The following FYB2 variants were observed in gnomAD, a reference collection of about 807,000 sequenced individuals.
FYB2 encodes the protein FYN binding protein 2.
In FYB2, 103 loss-of-function variants were observed where a neutral mutation model predicts 94.1. The observed-to-expected ratio is 1.09, with a 90% confidence interval of 0.93 to 1.29. The LOEUF (loss-of-function observed/expected upper bound fraction) is 1.29. Among genes scored for constraint, FYB2 ranks in the 50% most tolerant of loss-of-function variants. The probability of loss-of-function intolerance (pLI) is 0.00; values close to 1 mark genes in which losing one functional copy is unlikely to be tolerated. For synonymous variants in FYB2, 293 were observed against 287.9 expected (o/e 1.02, Z -0.18); for missense variants, 896 against 841.5 (o/e 1.06, Z -0.80).
chr1:56,730,298 G>T (rs554321405), intron 15 of FYB2, among the ~76,000 whole-genome samples: 383 of 145,150 alleles, frequency 2.6e-3, no homozygotes, highest in African/African-American at 9.2e-3. Flanking sequence ...AGAGAGATGG[G>T]GTGAGAAGGA....
chr1:56,727,349 C>T (rs936322130), intron 15 of FYB2, among the ~76,000 whole-genome samples: 4 of 152,018 alleles, frequency 2.6e-5, no homozygotes, highest in African/African-American at 7.2e-5. Flanking sequence ...CTAAGTATAT[C>T]TTCTAGAAAA....
At chr1:56,781,282 G>GTTA (rs1646002473) in intron 4 of FYB2, among the ~76,000 whole-genome samples, 1 of 152,172 alleles carries the variant, frequency 6.6e-6, no homozygotes, top group Non-Finnish European at 1.5e-5. Context: ...CTTCACCTGT[G>GTTA]TTAATATCAA....
chr1:56,738,620 C>A lies in FYB2; in HGVS notation c.1732+5G>T. The stretch of plus-strand genomic sequence containing the variant: ...TTTGGTCTGCAATAAGCAAATGGCA[C>A]TTACCTAAATCAGGCAGCAAAATGG... On this transcript the variant is annotated splice_donor_5th_base_variant and intron_variant, in intron 14 of 19. Transcript: ENST00000343433. 1 of 1,609,792 alleles carries A rather than the reference C, an allele frequency of 6.2e-7. No homozygotes were observed. The highest frequency in any genetic ancestry group is 1.7e-5 in the Admixed American group (1 of 59,642).
intron 11 of FYB2, among the ~76,000 whole-genome samples, chr1:56,742,920 C>T (rs1201358524): frequency 6.6e-6 from 1 of 151,880 alleles, no homozygotes; most frequent in Non-Finnish European, 1.5e-5. Flanking sequence ...CACTCCATTG[C>T]TTTTTCTTTT....
chr1:56,811,313 GT>G (rs1484864049), intron 1 of FYB2, among the ~76,000 whole-genome samples: 1 of 152,164 alleles, frequency 6.6e-6, no homozygotes, highest in Non-Finnish European at 1.5e-5. Context: ...CATTTTAAAA[GT>G]TTTTCCTTTC....
At chr1:56,743,518 G>T (rs1255864707) in intron 11 of FYB2, among the ~76,000 whole-genome samples, 1 of 151,966 alleles carries the variant, frequency 6.6e-6, no homozygotes, top group Non-Finnish European at 1.5e-5. Context: ...GAGCATTCCG[G>T]AAAGGGAGGG....
chr1:56,760,513 C>T (rs1645466357), intron 5 of FYB2, among the ~76,000 whole-genome samples: 1 of 152,120 alleles, frequency 6.6e-6, no homozygotes, highest in Admixed American at 6.5e-5. Context: ...CTTATTAATA[C>T]TTTAAAAATA....
chr1:56,741,417 T>A (rs867127512), intron 12 of FYB2, among the ~76,000 whole-genome samples: 1 of 152,086 alleles, frequency 6.6e-6, no homozygotes, highest in East Asian at 1.9e-4. Flanking sequence ...GAAATTCTTA[T>A]CATTGATTTT....
At chr1:56,819,435 GC>G, upstream of FYB2, 1 of 1,174,066 alleles carries the variant, frequency 8.5e-7, no homozygotes, top group Non-Finnish European at 1.2e-6. Context: ...CTCCCCACCT[GC>G]CCCATCTGGG....
chr1:56,807,768 A>G (rs1355563601), intron 1 of FYB2, among the ~76,000 whole-genome samples: 1 of 152,218 alleles, frequency 6.6e-6, no homozygotes, highest in Non-Finnish European at 1.5e-5. Flanking sequence ...AGTTTGGCTT[A>G]GGGATTGAAA....
chr1:56,781,177 C>T (rs1646000760), intron 4 of FYB2, among the ~76,000 whole-genome samples: 1 of 152,216 alleles, frequency 6.6e-6, no homozygotes, highest in South Asian at 2.1e-4. Flanking sequence ...GGCACAATGA[C>T]ATGCTTTTTG....
At position 56,744,230 on chromosome 1, in the gene FYB2, G is replaced by T; in HGVS notation, c.1424C>A (p.Thr475Asn). Residue 475 changes from threonine (T) to asparagine (N), a missense_variant, in exon 10 of 20, where the codon ACT becomes AAT. Physicochemically the swap from Thr to Asn is moderately conservative, Grantham distance 65. Transcript: ENST00000343433. ...TGTCTTAGAGACCCCTAGGTCTGGAGTTTCTTTAGTTGACTCCAAAACCTC... is the reference window on the plus strand; with the variant it reads ...TGTCTTAGAGACCCCTAGGTCTGGATTTTCTTTAGTTGACTCCAAAACCTC... The part of the protein sequence containing the change: ...HLEVLESTKE[T>N]PDLGVSKTSS... 1.2e-6 allele frequency: 2 copies of T among 1,612,234 alleles called. No homozygotes were observed. The highest frequency in any genetic ancestry group is 1.7e-5 in the Admixed American group (1 of 59,760).
chr1:56,767,486 T>A (rs1484019849), intron 5 of FYB2, among the ~76,000 whole-genome samples: 2 of 152,062 alleles, frequency 1.3e-5, no homozygotes, highest in South Asian at 2.1e-4. Context: ...AGAAAAGAGA[T>A]GAAGTTTCTA....
At chr1:56,745,424 T>C (rs1339382306) in intron 9 of FYB2, among the ~76,000 whole-genome samples, 1 of 152,008 alleles carries the variant, frequency 6.6e-6, no homozygotes, top group Non-Finnish European at 1.5e-5. Context: ...TTCAATCTCA[T>C]AAAAGGGGCA....
intron 1 of FYB2, among the ~76,000 whole-genome samples, chr1:56,804,665 G>T (rs1246741726): frequency 6.6e-6 from 1 of 152,116 alleles, no homozygotes; most frequent in Non-Finnish European, 1.5e-5. Flanking sequence ...AGGAGGCAGA[G>T]GTTGCAGTGA....
At chr1:56,740,670 G>A (rs777906655) in intron 13 of FYB2, 27 bp downstream of exon 13, 14 of 1,370,058 alleles carry the variant, frequency 1.0e-5, no homozygotes, top group South Asian at 1.2e-5. Context: ...ATCCCCTCGT[G>A]GAAAGGGATT....
At position 56,753,807 on chromosome 1, in the gene FYB2, T is replaced by C. The variant is rs754800279; in HGVS notation, c.1227+32A>G. ...CCCCCATGAACTGATCTGTTATATG[T>C]CTAAACTGCAGGAACCGTAGAACAT... On this transcript the variant is annotated intron_variant, in intron 8 of 19. Transcript: ENST00000343433. 3 of 1,485,688 alleles carry C rather than the reference T, an allele frequency of 2.0e-6. No homozygotes were observed. In the Admixed American group the frequency reaches 5.0e-5, roughly 25 times the overall value. The allele number at this position is 1,485,688 out of a possible 1,614,324, so 92.0% of individuals were successfully genotyped here. A position where few individuals can be genotyped will look rare whatever the true frequency, so the allele number is the denominator to read the frequency against.
chr1:56,723,234 C>T (rs1644521559), intron 17 of FYB2, among the ~76,000 whole-genome samples: 1 of 151,730 alleles, frequency 6.6e-6, no homozygotes, highest in South Asian at 2.1e-4. Context: ...CGCACACACA[C>T]ACACAAATGC....
intron 6 of FYB2, among the ~76,000 whole-genome samples, chr1:56,758,370 G>C (rs1570029747): frequency 1.0e-5 from 1 of 97,096 alleles, no homozygotes; most frequent in South Asian, 2.7e-4. Flanking sequence ...AGCCCAGAAA[G>C]CATGCCCTAA....
Sources: allele counts gnomAD v4.1 joint callset (sites outside exome capture counted in the v4.1 genomes callset), GRCh38; gene constraint gnomAD v4.1.1; transcripts MANE v1.5; gene names NCBI Gene and HGNC (gene_info 2026-07-23, HGNC 2026-07-21).